The following NAA11 variants were observed in gnomAD, a reference collection of about 807,000 sequenced individuals.
NAA11 encodes N-alpha-acetyltransferase 11, NatA catalytic subunit, also known as N-alpha-acetyltransferase 11.
A neutral mutation model predicts 16.1 loss-of-function variants in NAA11; 15 were observed. The ratio of observed to expected loss-of-function variants is 0.93; its 90% CI spans 0.62 to 1.44. The LOEUF is 1.44. NAA11 is among the 40% of genes most tolerant of loss of function. NAA11 has a pLI of 0.00. For missense variants in NAA11, 298 were observed against 291.3 expected, an observed-to-expected ratio of 1.02 and a Z score of -0.17; for synonymous variants, 122 against 112.4, an observed-to-expected ratio of 1.09 and a Z score of -0.54.
chr4:79,280,673 A>C (rs141952143), intron 2 of NAA11, among the ~76,000 whole-genome samples: 93 of 152,076 alleles, frequency 6.1e-4, no homozygotes, highest in African/African-American at 2.2e-3. Context: ...TAGGGGCTTC[A>C]GGAAACTCTG....
the NAA11 span, among the ~76,000 whole-genome samples, chr4:79,216,717 T>C: frequency 6.6e-6 from 1 of 152,198 alleles, no homozygotes; most frequent in Non-Finnish European, 1.5e-5. Flanking sequence ...ATGTTCACTG[T>C]CACTAGTTTG....
chr4:79,194,516 C>T, the NAA11 span, among the ~76,000 whole-genome samples: 352 of 151,734 alleles, frequency 2.3e-3, 1 homozygote, highest in South Asian at 0.014. Flanking sequence ...GGCAAGTGTC[C>T]GGAGGTGAGA....
the NAA11 span, among the ~76,000 whole-genome samples, chr4:79,170,203 G>T: frequency 6.6e-6 from 1 of 152,152 alleles, no homozygotes; most frequent in Non-Finnish European, 1.5e-5. Context: ...ACTCAGAAGG[G>T]CCTCACATTG....
At chr4:79,288,290 T>C (rs1413733952) in intron 2 of NAA11, among the ~76,000 whole-genome samples, 3 of 152,122 alleles carry the variant, frequency 2.0e-5, no homozygotes, top group East Asian at 1.9e-4. Context: ...ATATGAAATA[T>C]TACTCTGCAC....
chr4:79,314,620 AG>A (rs1723873533), downstream of NAA11, among the ~76,000 whole-genome samples: 1 of 142,148 alleles, frequency 7.0e-6, no homozygotes, highest in East Asian at 2.2e-4. Context: ...ACCCATACAT[AG>A]GTCTGCTGCT....
At chr4:79,155,643 G>A in the NAA11 span, among the ~76,000 whole-genome samples, 4 of 152,278 alleles carry the variant, frequency 2.6e-5, no homozygotes, top group African/African-American at 9.6e-5. Context: ...GCTGTGAAAT[G>A]GCAAAAACAC....
intron 2 of NAA11, among the ~76,000 whole-genome samples, chr4:79,273,300 T>C (rs953137856): frequency 2.0e-5 from 3 of 151,988 alleles, no homozygotes; most frequent in Admixed American, 6.6e-5. Context: ...ACACATAATA[T>C]AGTTTTAAAT....
chr4:79,199,650 C>T, the NAA11 span, among the ~76,000 whole-genome samples: 6 of 151,640 alleles, frequency 4.0e-5, no homozygotes, highest in Admixed American at 1.3e-4. Context: ...AATTACAGAC[C>T]CTCTTTCAAA....
At chr4:79,203,061 T>C in the NAA11 span, among the ~76,000 whole-genome samples, 8 of 151,632 alleles carry the variant, frequency 5.3e-5, no homozygotes, top group Admixed American at 5.3e-4. Context: ...TTAATTTTTT[T>C]CCGGAGTTTT....
At chr4:79,283,817 A>C (rs1722848888) in intron 2 of NAA11, among the ~76,000 whole-genome samples, 1 of 152,150 alleles carries the variant, frequency 6.6e-6, no homozygotes, top group Non-Finnish European at 1.5e-5. Context: ...TCTGTACTAG[A>C]AAATTGGTTA....
At chr4:79,303,718 C>T (rs762246194) in intron 1 of NAA11, among the ~76,000 whole-genome samples, 4 of 152,112 alleles carry the variant, frequency 2.6e-5, no homozygotes, top group Non-Finnish European at 5.9e-5. Context: ...GGGTAATGGA[C>T]GTTACCACTC....
chr4:79,202,623 T>TTTTATATATATATATA, the NAA11 span, among the ~76,000 whole-genome samples: 4 of 52,622 alleles, frequency 7.6e-5, no homozygotes, highest in Non-Finnish European at 1.3e-4. Flanking sequence ...ATATATAGTT[T>TTTTATATATATATATA]TATATATATA....
intron 1 of NAA11, among the ~76,000 whole-genome samples, chr4:79,301,438 T>C (rs1455930209): frequency 6.6e-6 from 1 of 152,210 alleles, no homozygotes; most frequent in African/African-American, 2.4e-5. Context: ...ATTTACCTCA[T>C]GCTGTTAAAT....
chr4:79,306,736 T>A lies in NAA11; in HGVS notation c.*13-12622A>T, dbSNP rs1163058354. 2.0e-5 allele frequency: 3 copies of A among 152,386 alleles called. No homozygotes were observed. In the South Asian group the frequency reaches 6.2e-4, roughly 32 times the overall value. 9.4% of individuals were successfully genotyped at this position (152,386 alleles called of 1,614,324 possible). A position where few individuals can be genotyped will look rare whatever the true frequency, so the allele number is the denominator to read the frequency against. On this transcript the variant is annotated intron_variant and NMD_transcript_variant, in intron 1 of 2. Coordinates refer to the NAA11 transcript ENST00000511542. ...CACAGAACATCTGCATAGGTAAGTA[T>A]AAATCTTGTTGGCATTTTAATTTTC...
chr4:79,280,631 T>G (rs182069342), intron 2 of NAA11, among the ~76,000 whole-genome samples: 12 of 152,190 alleles, frequency 7.9e-5, no homozygotes, highest in Admixed American at 7.9e-4. Flanking sequence ...AGTCAGTTTC[T>G]GTTTCTTGTG....
At chr4:79,165,782 C>T in the NAA11 span, among the ~76,000 whole-genome samples, 1 of 152,162 alleles carries the variant, frequency 6.6e-6, no homozygotes, top group Non-Finnish European at 1.5e-5. Context: ...TGAAGGTAGA[C>T]GGAAACAGCT....
intron 1 of NAA11, among the ~76,000 whole-genome samples, chr4:79,322,767 T>C (rs529943366): frequency 1.3e-5 from 2 of 152,218 alleles, no homozygotes; most frequent in Non-Finnish European, 2.9e-5. Flanking sequence ...TCTTTGCTTT[T>C]AGACTGTTCT....
chr4:79,236,866 C>T (rs2109958830), intron 2 of NAA11, among the ~76,000 whole-genome samples: 1 of 152,272 alleles, frequency 6.6e-6, no homozygotes, highest in Admixed American at 6.5e-5. Context: ...CATAATGGTG[C>T]ATAGTCCACC....
At chr4:79,157,579 A>G in the NAA11 span, among the ~76,000 whole-genome samples, 2 of 151,950 alleles carry the variant, frequency 1.3e-5, no homozygotes, top group Non-Finnish European at 2.9e-5. Flanking sequence ...GTATATATAC[A>G]TATATACGTG....
Sources: gnomAD v4.1 joint callset for allele counts (sites outside exome capture counted in the v4.1 genomes callset) on GRCh38, gnomAD v4.1.1 for gene constraint, MANE v1.5 for transcripts, NCBI Gene and HGNC (gene_info 2026-07-23, HGNC 2026-07-21) for gene names.